Variants in WWOX observed in about 807,000 individuals in gnomAD.
WWOX encodes WW domain containing oxidoreductase, also known as WW domain-containing oxidoreductase.
Under a neutral mutation model 46.2 loss-of-function variants are expected in WWOX, and 69 were observed. That is an observed-to-expected ratio of 1.49 (90% CI 1.23 to 1.82). The LOEUF (loss-of-function observed/expected upper bound fraction) is 1.82. Among genes scored for constraint, WWOX ranks in the 40% most tolerant of loss-of-function variants. The probability of loss-of-function intolerance (pLI) is 0.00; values close to 1 mark genes in which losing one functional copy is unlikely to be tolerated. For missense variants in WWOX, 919 were observed against 542.6 expected (o/e 1.69, Z -6.89); for synonymous variants, 359 against 202.6 (o/e 1.77, Z -6.56).
intron 8 of WWOX, among the ~76,000 whole-genome samples, chr16:79,159,160 G>A (rs55840810): frequency 3.3e-5 from 5 of 151,972 alleles, no homozygotes; most frequent in African/African-American, 7.3e-5. Context: ...ATTTTATTTC[G>A]CTTTAACAAG....
intron 8 of WWOX, among the ~76,000 whole-genome samples, chr16:78,626,075 T>G (rs2046304025): frequency 6.6e-6 from 1 of 151,948 alleles, no homozygotes; most frequent in African/African-American, 2.4e-5. Context: ...TTAAAAAATT[T>G]TTTACCTAAT....
chr16:78,825,933 C>T (rs1193751205), intron 8 of WWOX: 4 of 799,136 alleles, frequency 5.0e-6, no homozygotes, highest in Non-Finnish European at 8.2e-6. Context: ...GTAGTGCCCA[C>T]CACTCCCATC....
rs1288199073 is a variant in WWOX at position 78,507,977 on chromosome 16, T to A, written c.1056+75225T>A. Among the ~76,000 whole-genome samples, 6 of 132,264 alleles carry A rather than the reference T, an allele frequency of 4.5e-5. No individual in the cohort carries two copies. In the Admixed American group the frequency reaches 5.4e-4, roughly 12 times the overall value. 86.8% of individuals were successfully genotyped at this position (132,264 alleles called of 152,430 possible). ...CCTTTTATGCATGGACTGTGGTGTT[T>A]TTTGATTTTTGGTTGCGTGCGTGTG... On this transcript the variant is annotated intron_variant, in intron 8 of 8. Coordinates refer to ENST00000566780, the MANE Select transcript of WWOX (RefSeq NM_016373.4).
intron 6 of WWOX, among the ~76,000 whole-genome samples, chr16:78,388,561 C>A (rs1354909676): frequency 1.5e-5 from 2 of 136,246 alleles, no homozygotes; most frequent in Non-Finnish European, 3.1e-5. Flanking sequence ...GCAGGAAAAT[C>A]GCTTGAACCT....
At chr16:78,614,814 T>C (rs2045981882) in intron 8 of WWOX, among the ~76,000 whole-genome samples, 1 of 152,244 alleles carries the variant, frequency 6.6e-6, no homozygotes, top group Non-Finnish European at 1.5e-5. Context: ...AGTTAACTTC[T>C]GGAATGCATG....
chr16:78,873,398 A>G (rs1428597901), intron 8 of WWOX: 1 of 152,120 alleles, frequency 6.6e-6, no homozygotes, highest in Non-Finnish European at 1.5e-5. Context: ...TCTTTTAAAT[A>G]GCAGCACAAA....
chr16:78,652,547 C>G (rs1436253528), intron 8 of WWOX, among the ~76,000 whole-genome samples: 1 of 152,008 alleles, frequency 6.6e-6, no homozygotes, highest in Admixed American at 6.6e-5. Context: ...CAGCAGTTGA[C>G]TCACCTCTCT....
intron 1 of WWOX, among the ~76,000 whole-genome samples, chr16:78,107,396 G>A (rs8064221): frequency 0.39 from 59,598 of 152,114 alleles, 12,285 homozygotes; most frequent in African/African-American, 0.53. Context: ...GATTTGTTCA[G>A]AATAACAGCT....
chr16:78,215,285 G>A (rs1291927008), intron 5 of WWOX, among the ~76,000 whole-genome samples: 1 of 152,118 alleles, frequency 6.6e-6, no homozygotes, highest in Non-Finnish European at 1.5e-5. Context: ...GTATGGTTTG[G>A]CTGTGTCCCC....
At chr16:78,650,625 G>C (rs953671741) in intron 8 of WWOX, among the ~76,000 whole-genome samples, 1 of 152,206 alleles carries the variant, frequency 6.6e-6, no homozygotes, top group Non-Finnish European at 1.5e-5. Flanking sequence ...TGTTGTCATA[G>C]TGATGTATTT....
intron 4 of WWOX, among the ~76,000 whole-genome samples, chr16:78,126,150 C>T (rs1247533417): frequency 6.6e-6 from 1 of 152,146 alleles, no homozygotes; most frequent in African/African-American, 2.4e-5. Flanking sequence ...GCTCTTCTCC[C>T]AGTGTGGTAC....
intron 8 of WWOX, among the ~76,000 whole-genome samples, chr16:79,107,230 C>A (rs989822678): frequency 1.3e-5 from 2 of 151,788 alleles, no homozygotes; most frequent in African/African-American, 4.8e-5. Flanking sequence ...CACGAATCAC[C>A]GCGCCCAGCC....
chr16:78,115,102 C>G lies in WWOX; in HGVS notation c.357C>G (p.Gly119=). 1.2e-6 allele frequency: 2 copies of G among 1,614,162 alleles called. No homozygotes were observed. The highest frequency in any genetic ancestry group is 1.7e-6 in the Non-Finnish European group (2 of 1,180,026). The change falls in exon 4 of 9, where the codon GGC becomes GGG. Residue 119 remains glycine (G), a synonymous_variant. Coordinates refer to ENST00000566780, the MANE Select transcript of WWOX (RefSeq NM_016373.4). ...GSTTAMEILQ[G]RDFTGKVVVV... is the part of the protein sequence containing the mutation. ...CCACTGCCATGGAAATTCTCCAGGG[C>G]CGGGATTTCACTGGCAAAGTGGTTG... is the stretch of plus-strand genomic sequence containing the variant.
intron 8 of WWOX, among the ~76,000 whole-genome samples, chr16:78,728,427 C>T (rs938969617): frequency 6.6e-5 from 10 of 152,116 alleles, no homozygotes; most frequent in Admixed American, 2.6e-4. Context: ...AGAAAAGTGG[C>T]GTTGTGCTAC....
At chr16:78,135,141 C>T (rs1373230885) in intron 4 of WWOX, among the ~76,000 whole-genome samples, 1 of 152,164 alleles carries the variant, frequency 6.6e-6, no homozygotes, top group African/African-American at 2.4e-5. Context: ...ATGCAGATTC[C>T]ACCCTCAGGC....
At chr16:78,109,103 T>C (rs1393457592) in intron 2 of WWOX, among the ~76,000 whole-genome samples, 7 of 152,340 alleles carry the variant, frequency 4.6e-5, no homozygotes, top group African/African-American at 1.4e-4. Flanking sequence ...GGCTATACTA[T>C]GGAATTAAAT....
intron 8 of WWOX, among the ~76,000 whole-genome samples, chr16:78,677,188 G>T (rs943433946): frequency 1.9e-4 from 29 of 152,172 alleles, no homozygotes; most frequent in Non-Finnish European, 2.9e-5. Flanking sequence ...GCATGAGGGG[G>T]TCCCAGGCAA....
At chr16:78,186,393 A>G (rs1272050857) in intron 5 of WWOX, among the ~76,000 whole-genome samples, 1 of 152,204 alleles carries the variant, frequency 6.6e-6, no homozygotes, top group Admixed American at 6.5e-5. Flanking sequence ...GCTAGAACTC[A>G]CAGTTTAACC....
intron 8 of WWOX, among the ~76,000 whole-genome samples, chr16:79,119,432 G>A (rs760303297): frequency 2.8e-4 from 42 of 152,334 alleles, no homozygotes; most frequent in Admixed American, 1.0e-3. Flanking sequence ...ACTAGAGATT[G>A]TGTCCTCCCT....
Sources: gnomAD v4.1 joint callset for allele counts (sites outside exome capture counted in the v4.1 genomes callset) on GRCh38, gnomAD v4.1.1 for gene constraint, MANE v1.5 for transcripts, NCBI Gene and HGNC (gene_info 2026-07-23, HGNC 2026-07-21) for gene names.